STXBP4: variants seen among roughly 807,000 people sequenced by gnomAD.
STXBP4 encodes the protein syntaxin binding protein 4.
A neutral mutation model predicts 76.1 loss-of-function variants in STXBP4; 55 were observed. The ratio of observed to expected loss-of-function variants is 0.72; its 90% CI spans 0.58 to 0.91. The LOEUF (loss-of-function observed/expected upper bound fraction) is 0.91, where lower values mean the gene tolerates loss of function less well. Among genes scored for constraint, STXBP4 ranks in the 40% least tolerant of loss-of-function variants. The probability of loss-of-function intolerance (pLI) is 0.00; values close to 1 mark genes in which losing one functional copy is unlikely to be tolerated. For missense variants in STXBP4, 618 were observed against 636.9 expected (o/e 0.97, Z 0.32); for synonymous variants, 201 against 220.2 (o/e 0.91, Z 0.77).
Position 55,173,624 on chromosome 17 carries a change from C to T in STXBP4, c.*13713C>T, listed in dbSNP as rs2080417795. 6.6e-6 allele frequency: 1 copy of T among 152,196 alleles called. No individual in the cohort carries two copies. The highest frequency in any genetic ancestry group is 1.9e-4 in the East Asian group (1 of 5,202). The allele number at this position is 152,196 out of a possible 1,614,324, so 9.4% of individuals were successfully genotyped here. ...TGGTGATTATGAATAAAGCTGCTAT[C>T]AACATCCACGTATTGGTTTTTGTGT... On this transcript the variant is annotated 3_prime_UTR_variant, in exon 18 of 18. Transcript: ENST00000376352.
chr17:55,086,255 A>C (rs973807350), intron 16 of STXBP4, among the ~76,000 whole-genome samples: 1 of 152,056 alleles, frequency 6.6e-6, no homozygotes. Context: ...ATTTTATTTA[A>C]ATTTTATTTT....
the STXBP4 span, among the ~76,000 whole-genome samples, chr17:55,180,660 T>TCCA: frequency 6.6e-6 from 1 of 152,306 alleles, no homozygotes; most frequent in Admixed American, 6.5e-5. Flanking sequence ...GAAAGGCTGG[T>TCCA]TTCTGAACTC....
At chr17:55,055,167 G>T (rs943730750) in intron 12 of STXBP4, among the ~76,000 whole-genome samples, 1 of 152,008 alleles carries the variant, frequency 6.6e-6, no homozygotes, top group African/African-American at 2.4e-5. Flanking sequence ...ACTATCAAAG[G>T]CCCAGGAACA....
chr17:54,997,851 G>A (rs1429501220), intron 4 of STXBP4, among the ~76,000 whole-genome samples: 1 of 149,706 alleles, frequency 6.7e-6, no homozygotes, highest in Non-Finnish European at 1.5e-5. Context: ...GCCTCTCAAA[G>A]TGTTGGGTGT....
At chr17:55,028,582 G>A (rs560292579) in intron 8 of STXBP4, among the ~76,000 whole-genome samples, 2 of 152,284 alleles carry the variant, frequency 1.3e-5, no homozygotes, top group South Asian at 2.1e-4. Flanking sequence ...ATTTGGCAGT[G>A]TCTGGAGACA....
At chr17:55,155,510 A>AC (rs5821088) in intron 17 of STXBP4, among the ~76,000 whole-genome samples, 4,037 of 138,274 alleles carry the variant, frequency 0.029, 52 homozygotes, top group Middle Eastern at 0.036. Flanking sequence ...TACAATTATC[A>AC]CCCCCCCCCC....
chr17:55,030,095 A>G (rs1264224976), intron 8 of STXBP4, among the ~76,000 whole-genome samples: 1 of 152,202 alleles, frequency 6.6e-6, no homozygotes, highest in East Asian at 1.9e-4. Flanking sequence ...AGATTTTGCT[A>G]TATATAACTG....
intron 16 of STXBP4, among the ~76,000 whole-genome samples, chr17:55,120,423 G>A (rs775638255): frequency 5.3e-5 from 8 of 152,182 alleles, no homozygotes; most frequent in South Asian, 2.1e-4. Context: ...TGCTTAGGAG[G>A]CAGCTTCCTG....
chr17:55,075,225 A>G (rs1335540229), intron 13 of STXBP4, among the ~76,000 whole-genome samples: 2 of 152,076 alleles, frequency 1.3e-5, no homozygotes, highest in African/African-American at 4.8e-5. Context: ...TTGTGTATAT[A>G]TTCCTTAACA....
At chr17:55,101,785 C>A (rs572301629) in intron 16 of STXBP4, among the ~76,000 whole-genome samples, 160 of 152,260 alleles carry the variant, frequency 1.1e-3, no homozygotes, top group African/African-American at 3.7e-3. Flanking sequence ...AATGTGAATT[C>A]TGATTACTTC....
the STXBP4 span, among the ~76,000 whole-genome samples, chr17:55,198,834 A>T: frequency 6.6e-6 from 1 of 152,228 alleles, no homozygotes; most frequent in Non-Finnish European, 1.5e-5. Flanking sequence ...ACTCCATCCA[A>T]GACATGAACT....
intron 16 of STXBP4, among the ~76,000 whole-genome samples, chr17:55,096,547 C>A (rs1156389638): frequency 6.6e-6 from 1 of 150,784 alleles, no homozygotes; most frequent in African/African-American, 2.4e-5. Flanking sequence ...TCATTGATAA[C>A]ATTGATTTTC....
At chr17:55,095,657 G>T (rs972991759) in intron 16 of STXBP4, among the ~76,000 whole-genome samples, 1 of 152,120 alleles carries the variant, frequency 6.6e-6, no homozygotes, top group Non-Finnish European at 1.5e-5. Flanking sequence ...CATTGACATA[G>T]AAGGTTTTAA....
At position 54,981,498 on chromosome 17, in the gene STXBP4, T is replaced by C. The variant is rs371380860; in HGVS notation, c.-156-4116T>C. On this transcript the variant is annotated intron_variant, in intron 1 of 17. Coordinates refer to ENST00000376352, the MANE Select transcript of STXBP4 (RefSeq NM_178509.6). ...TGGTGGGGAAAAGATTTAATAAATG[T>C]AGTTGAGACAATGGGGTGGTCTTCT... Among the ~76,000 whole-genome samples, 15 of 152,312 alleles carry C rather than the reference T, an allele frequency of 9.8e-5. No homozygotes were observed. The East Asian group carries it at 2.3e-3, about 23-fold the overall frequency.
chr17:55,065,621 CT>C (rs796403588), intron 12 of STXBP4, among the ~76,000 whole-genome samples: 2,832 of 146,334 alleles, frequency 0.019, 77 homozygotes, highest in African/African-American at 0.058. Flanking sequence ...AGGAAAGTAG[CT>C]TTTTTTTTTT....
At chr17:54,986,664 A>C (rs1375325980) in intron 3 of STXBP4, among the ~76,000 whole-genome samples, 2 of 152,198 alleles carry the variant, frequency 1.3e-5, no homozygotes, top group Non-Finnish European at 2.9e-5. Context: ...TGTCAAATAC[A>C]TTTTTAAAAA....
Position 55,165,466 on chromosome 17 carries a change from T to C in STXBP4, c.*5555T>C, listed in dbSNP as rs879625592. The C allele has an allele frequency of 1.3e-5, 2 of 152,102 alleles. No individual in the cohort carries two copies. Among genetic ancestry groups the C allele is most frequent in the Non-Finnish European group, 2.9e-5 (2 of 68,042 alleles). The allele number at this position is 152,102 out of a possible 1,614,324, so 9.4% of individuals were successfully genotyped here. ...TTCCTCCAGCCCAATGTGGTCAACATTGGAGGATTAGATTGATTTCTGTGA... is the reference window on the plus strand; with the variant it reads ...TTCCTCCAGCCCAATGTGGTCAACACTGGAGGATTAGATTGATTTCTGTGA... On this transcript the variant is annotated 3_prime_UTR_variant, in exon 18 of 18. Coordinates refer to ENST00000376352, the MANE Select transcript of STXBP4 (RefSeq NM_178509.6).
chr17:54,993,041 A>G (rs973655041), intron 4 of STXBP4, among the ~76,000 whole-genome samples: 3 of 152,086 alleles, frequency 2.0e-5, no homozygotes, highest in African/African-American at 7.2e-5. Flanking sequence ...ACAAGCATCA[A>G]TTTGTGCTTG....
rs2077701350 is a variant in STXBP4 at position 54,990,701 on chromosome 17, G to A, written c.48-124G>A. On this transcript the variant is annotated intron_variant, in intron 3 of 17. Transcript: ENST00000376352. ...ATTGTCTTCCATGAAACAAGTCCCT[G>A]GTACCAAAAAAGGTGAGGGGTTGCT... 3 of 1,181,926 alleles carry A rather than the reference G, an allele frequency of 2.5e-6. No homozygotes were observed. In the Admixed American group the frequency reaches 8.9e-5, roughly 35 times the overall value. 73.2% of individuals were successfully genotyped at this position (1,181,926 alleles called of 1,614,324 possible).
Sources: gnomAD v4.1 joint callset for allele counts (sites outside exome capture counted in the v4.1 genomes callset) on GRCh38, gnomAD v4.1.1 for gene constraint, MANE v1.5 for transcripts, NCBI Gene and HGNC (gene_info 2026-07-23, HGNC 2026-07-21) for gene names.